HECTD2: variants seen among roughly 807,000 people sequenced by gnomAD.
HECTD2 encodes the protein HECT domain E3 ubiquitin protein ligase 2.
HECTD2 carries 35 observed loss-of-function variants against 103.2 expected under a neutral mutation model. The observed-to-expected ratio is 0.34, with a 90% CI of 0.26 to 0.45. The LOEUF is 0.45. Ranked by LOEUF, HECTD2 falls within the 20% of genes least tolerant of loss-of-function variation. The pLI is 1.00. For synonymous variants in HECTD2, 281 were observed against 329.9 expected (o/e 0.85, Z 1.61); for missense variants, 596 against 937.4 (o/e 0.64, Z 4.76).
rs1369275623 is a variant in HECTD2, at chr10:91,492,345, C to A, written c.1300-7C>A. ...GTTCTCCTCTACTGTATAATATCTT[C>A]AAATAGCTAACCCGGAAAAGAGCCG... On this transcript the variant is annotated splice_region_variant and splice_polypyrimidine_tract_variant and intron_variant, in intron 12 of 20. Transcript: ENST00000298068. 1 of 1,610,754 alleles carries A rather than the reference C, an allele frequency of 6.2e-7. No homozygotes were observed. Among genetic ancestry groups the A allele is most frequent in the South Asian group, 1.1e-5 (1 of 90,930 alleles).
chr10:91,492,075 A>G (rs1016092138), intron 12 of HECTD2, among the ~76,000 whole-genome samples: 2 of 152,146 alleles, frequency 1.3e-5, no homozygotes, highest in Non-Finnish European at 2.9e-5. Context: ...GAAATGAATT[A>G]TATTGTGCTA....
At chr10:91,436,581 T>C (rs1468061748) in intron 2 of HECTD2, among the ~76,000 whole-genome samples, 5 of 152,006 alleles carry the variant, frequency 3.3e-5, no homozygotes, top group African/African-American at 1.2e-4. Flanking sequence ...ACCTCTTTTT[T>C]ACCCTCTCCA....
chr10:91,482,754 C>A (rs74745574), intron 7 of HECTD2, among the ~76,000 whole-genome samples: 6 of 151,904 alleles, frequency 3.9e-5, no homozygotes, highest in African/African-American at 1.2e-4. Context: ...GCCCTCAGAC[C>A]CAGATCTGTC....
At chr10:91,429,943 T>C (rs1474252812) in intron 2 of HECTD2, among the ~76,000 whole-genome samples, 1 of 152,004 alleles carries the variant, frequency 6.6e-6, no homozygotes, top group Non-Finnish European at 1.5e-5. Context: ...TTTGCTCTTG[T>C]TTTTCTAGTT....
At chr10:91,425,165 A>G (rs1843508373) in intron 1 of HECTD2, 116 bp from the exon 2 acceptor site, 2 of 809,094 alleles carry the variant, frequency 2.5e-6, no homozygotes, top group African/African-American at 3.6e-5. Context: ...ATACGTTTTT[A>G]TCTATTATCT....
At chr10:91,412,775 G>A (rs1357728419) in intron 1 of HECTD2, among the ~76,000 whole-genome samples, 1 of 151,732 alleles carries the variant, frequency 6.6e-6, no homozygotes, top group South Asian at 2.1e-4. Flanking sequence ...TCTATGCTTG[G>A]TCCTTAGTCC....
intron 20 of HECTD2, among the ~76,000 whole-genome samples, chr10:91,511,469 CTT>C (rs1053830003): frequency 3.3e-5 from 5 of 152,118 alleles, no homozygotes; most frequent in African/African-American, 9.7e-5. Flanking sequence ...GTATATCACT[CTT>C]TTAATCTTTT....
chr10:91,512,306 C>G lies in HECTD2; in HGVS notation c.2253C>G (p.Pro751=). The G allele has an allele frequency of 6.2e-7, 1 of 1,613,446 alleles. No homozygotes were observed. Among genetic ancestry groups the G allele is most frequent in the African/African-American group, 1.3e-5 (1 of 74,958 alleles). ...CCTGCTTCAATCAACTTTGCCTTCC[C>G]CCCTACAAGAGCAAAAAGGATCTGA... The part of the protein sequence containing the change: ...AHTCFNQLCL[P]PYKSKKDLKQ... Residue 751 remains proline (P), a synonymous_variant, in exon 21 of 21, where the codon CCC becomes CCG. Coordinates refer to ENST00000298068, the MANE Select transcript of HECTD2 (RefSeq NM_182765.6).
chr10:91,509,180 C>T (rs1169592732), intron 20 of HECTD2, among the ~76,000 whole-genome samples: 6 of 150,646 alleles, frequency 4.0e-5, no homozygotes, highest in East Asian at 3.9e-4. Context: ...TGCTAGATGA[C>T]GGGTTAGTGG....
At chr10:91,415,193 A>AGTGTGTGTGTGTGTGTGTGTGTGTGT (rs397846279) in intron 1 of HECTD2, among the ~76,000 whole-genome samples, 11 of 141,624 alleles carry the variant, frequency 7.8e-5, no homozygotes, top group Non-Finnish European at 1.1e-4. Flanking sequence ...AATTAGAGAA[A>AGTGTGTGTGTGTGTGTGTGTGTGTGT]GTGTGTGTGT....
chr10:91,454,636 T>G (rs931212374), intron 2 of HECTD2, among the ~76,000 whole-genome samples: 1 of 151,930 alleles, frequency 6.6e-6, no homozygotes, highest in African/African-American at 2.4e-5. Flanking sequence ...TTGTTACATA[T>G]GTATACATGT....
At chr10:91,505,651 T>TA (rs1847128139) in intron 20 of HECTD2, among the ~76,000 whole-genome samples, 1 of 150,384 alleles carries the variant, frequency 6.6e-6, no homozygotes, top group African/African-American at 2.5e-5. Context: ...CAAAGAGACT[T>TA]AGACTCCCAC....
Position 91,512,561 on chromosome 10 carries a change from AAC to A in HECTD2, c.*185_*186del, listed in dbSNP as rs930877784. Reference sequence around the variant, plus strand: ...TTCAGCAAAGGCATAATTTTCTAAAAACACACACAGAAATCGCTTGAGTGAGG... The same window carrying A: ...TTCAGCAAAGGCATAATTTTCTAAAAACACACAGAAATCGCTTGAGTGAGG... On this transcript the variant is annotated 3_prime_UTR_variant, in exon 21 of 21. Coordinates refer to ENST00000298068, the MANE Select transcript of HECTD2 (RefSeq NM_182765.6). 9 of 583,404 alleles carry A rather than the reference AAC, an allele frequency of 1.5e-5. No homozygotes were observed. Among genetic ancestry groups the A allele is most frequent in the African/African-American group, 1.5e-4 (8 of 54,106 alleles). The allele number at this position is 583,404 out of a possible 1,614,324, so 36.1% of individuals were successfully genotyped here. A position where few individuals can be genotyped will look rare whatever the true frequency, so the allele number is the denominator to read the frequency against.
chr10:91,497,304 T>C (rs1307576314), intron 15 of HECTD2, among the ~76,000 whole-genome samples: 3 of 126,294 alleles, frequency 2.4e-5, no homozygotes, highest in African/African-American at 4.7e-5. Flanking sequence ...TTTTTTTTTT[T>C]CTGCCCAAGA....
chr10:91,423,200 A>G (rs1320114933), intron 1 of HECTD2, among the ~76,000 whole-genome samples: 2 of 152,194 alleles, frequency 1.3e-5, no homozygotes, highest in Non-Finnish European at 1.5e-5. Context: ...AGACTGTAAT[A>G]TAAGTGTTAA....
At chr10:91,493,276 A>AT (rs1846544909) in intron 13 of HECTD2, 144 bp from the exon 14 acceptor site, 1 of 402,578 alleles carries the variant, frequency 2.5e-6, no homozygotes, top group African/African-American at 2.1e-5. Context: ...ATAATCCAAA[A>AT]TTTTTAACTT....
At chr10:91,510,372 G>A (rs1338889667) in intron 20 of HECTD2, among the ~76,000 whole-genome samples, 1 of 152,158 alleles carries the variant, frequency 6.6e-6, no homozygotes, top group Non-Finnish European at 1.5e-5. Flanking sequence ...AGGCTTAAAA[G>A]ATATACATAA....
chr10:91,454,724 C>T lies in HECTD2; in HGVS notation c.269-5703C>T, dbSNP rs569104962. On this transcript the variant is annotated intron_variant, in intron 2 of 20. Transcript: ENST00000298068. Reference sequence around the variant, plus strand: ...CCTAATGCTATCGCTCCCCCCTCCCCCTACCCCACAACAGGCCCCAGTGTG... The same window carrying T: ...CCTAATGCTATCGCTCCCCCCTCCCTCTACCCCACAACAGGCCCCAGTGTG... Among the ~76,000 whole-genome samples the T allele has an allele frequency of 1.0e-3, 154 of 152,168 alleles. 2 individuals carry two copies. Among genetic ancestry groups the T allele is most frequent in the Admixed American group, 2.8e-3 (43 of 15,268 alleles).
At chr10:91,470,269 C>G (rs1275512098) in intron 5 of HECTD2, among the ~76,000 whole-genome samples, 1 of 152,194 alleles carries the variant, frequency 6.6e-6, no homozygotes, top group Non-Finnish European at 1.5e-5. Flanking sequence ...ACACATTCTT[C>G]TGAACTGTAC....
Sources: allele counts gnomAD v4.1 joint callset (sites outside exome capture counted in the v4.1 genomes callset), GRCh38; gene constraint gnomAD v4.1.1; transcripts MANE v1.5; gene names NCBI Gene and HGNC (gene_info 2026-07-23, HGNC 2026-07-21).